Variants in PNLDC1 observed in about 807,000 individuals in gnomAD.
PNLDC1 encodes poly(A)-specific ribonuclease PNLDC1.
A neutral mutation model predicts 82.0 loss-of-function variants in PNLDC1; 70 were observed. The ratio of observed to expected loss-of-function variants is 0.85; its 90% CI spans 0.70 to 1.04. The LOEUF is 1.04. Ranked by LOEUF, PNLDC1 falls within the 50% of genes least tolerant of loss-of-function variation. The probability of loss-of-function intolerance (pLI) is 0.00; values close to 1 mark genes in which losing one functional copy is unlikely to be tolerated. For missense variants in PNLDC1, 631 were observed against 661.1 expected, an observed-to-expected ratio of 0.95 and a Z score of 0.50; for synonymous variants, 280 against 249.3, an observed-to-expected ratio of 1.12 and a Z score of -1.16.
upstream of PNLDC1, chr6:159,800,243 A>AAGCGCGTGGGC: frequency 2.1e-6 from 3 of 1,455,986 alleles, no homozygotes; most frequent in Non-Finnish European, 2.8e-6. Flanking sequence ...GGCGCGACGG[A>AAGCGCGTGGGC]AGCGCGTGGG....
At chr6:159,802,537 A>T (rs763686115) in intron 3 of PNLDC1, among the ~76,000 whole-genome samples, 11 of 151,990 alleles carry the variant, frequency 7.2e-5, no homozygotes, top group Non-Finnish European at 1.6e-4. Flanking sequence ...CTCTTTGAGA[A>T]GTATAGGAAA....
In PNLDC1 at chr6:159,819,148, C is replaced by G. The variant is rs769667908; in HGVS notation, c.1433+27C>G. The G allele has an allele frequency of 1.2e-6, 2 of 1,611,832 alleles. No homozygotes were observed. Among genetic ancestry groups the G allele is most frequent in the Non-Finnish European group, 8.5e-7 (1 of 1,178,424 alleles). On this transcript the variant is annotated intron_variant, in intron 17 of 18. Transcript: ENST00000392167. The surrounding 1 kb of genome is among the most constrained non-coding windows in gnomAD (Gnocchi z 4.6). ...TAGGTGCCTCTAAGTCCGCGTCCCC[C>G]ACCCCTCGTGCGTTCATCCCTGTAT... is the stretch of plus-strand genomic sequence containing the variant.
Position 159,810,101 on chromosome 6 carries a change from G to A in PNLDC1, c.853+6G>A. The A allele has an allele frequency of 1.9e-6, 3 of 1,611,940 alleles. No homozygotes were observed. Among genetic ancestry groups the A allele is most frequent in the Non-Finnish European group, 2.5e-6 (3 of 1,178,040 alleles). ...GTTCTTCAGACCCCTCCCAGGTAGG[G>A]GCAAACCTGTCATTTCTCTTCCTTC... On this transcript the variant is annotated splice_donor_region_variant and intron_variant, in intron 10 of 18. Coordinates refer to ENST00000392167, the MANE Select transcript of PNLDC1 (RefSeq NM_001271862.2).
chr6:159,818,943 T>C lies in PNLDC1; in HGVS notation c.1258-3T>C, dbSNP rs1781939028. 26 of 1,613,596 alleles carry C rather than the reference T, an allele frequency of 1.6e-5. No individual in the cohort carries two copies. The highest frequency in any genetic ancestry group is 2.1e-5 in the Non-Finnish European group (25 of 1,179,758). The stretch of plus-strand genomic sequence containing the variant: ...AATCTCTTGTGTTCTGCATGTTTTC[T>C]AGAATTTTTCTGGTCCAGATTATCC... On this transcript the variant is annotated splice_region_variant and splice_polypyrimidine_tract_variant and intron_variant, in intron 16 of 18. Coordinates refer to ENST00000392167, the MANE Select transcript of PNLDC1 (RefSeq NM_001271862.2).
intron 11 of PNLDC1, among the ~76,000 whole-genome samples, chr6:159,813,275 C>T (rs567705109): frequency 6.6e-6 from 1 of 152,312 alleles, no homozygotes; most frequent in Admixed American, 6.5e-5. Context: ...TGCCTGTATG[C>T]TCCATGTATG....
intron 12 of PNLDC1, among the ~76,000 whole-genome samples, chr6:159,815,271 C>T (rs1474051773): frequency 6.6e-6 from 1 of 152,198 alleles, no homozygotes; most frequent in South Asian, 2.1e-4. Context: ...AGCCTTGTGG[C>T]CTGCCCTCTT....
At chr6:159,802,610 T>G (rs917917372) in intron 3 of PNLDC1, among the ~76,000 whole-genome samples, 1 of 152,168 alleles carries the variant, frequency 6.6e-6, no homozygotes, top group Non-Finnish European at 1.5e-5. Flanking sequence ...GGACAGAGTC[T>G]TGCTCTGTTG....
Position 159,819,279 on chromosome 6 carries a change from C to T in PNLDC1, c.1459C>T (p.Arg487Trp), listed in dbSNP as rs764324481. ...KDARNILKEY[R>W]DHPTLCISLY... ...TGCGCGGAACATCCTGAAGGAGTAC[C>T]GGGACCACCCGACCCTGTGCATCTC... The change falls in exon 18 of 19, where the codon CGG becomes TGG. Residue 487 changes from arginine (R) to tryptophan (W), a missense_variant. By Grantham distance (101) the Arg-to-Trp change is moderately radical (BLOSUM62 -3). Transcript: ENST00000392167. This position sits in a 1 kb window ranked among gnomAD's most constrained non-coding sequence, Gnocchi z 4.6. 25 of 1,613,942 alleles carry T rather than the reference C, an allele frequency of 1.5e-5. No homozygotes were observed. The highest frequency in any genetic ancestry group is 8.9e-5 in the East Asian group (4 of 44,870).
At chr6:159,812,259 A>G (rs1432868415) in intron 11 of PNLDC1, among the ~76,000 whole-genome samples, 4 of 152,090 alleles carry the variant, frequency 2.6e-5, no homozygotes, top group South Asian at 2.1e-4. Context: ...AACCAGTATC[A>G]GTTTCCTTTT....
chr6:159,815,920 G>A, intron 12 of PNLDC1, 49 bp from the exon 13 acceptor site: 1 of 1,430,312 alleles, frequency 7.0e-7, no homozygotes, highest in Non-Finnish European at 9.8e-7. Flanking sequence ...ATACAAGAAG[G>A]GATTACTTTC....
Position 159,819,402 on chromosome 6 carries a change from C to A in PNLDC1, c.1532+50C>A. On this transcript the variant is annotated intron_variant, in intron 18 of 18. Transcript: ENST00000392167. This position sits in a 1 kb window ranked among gnomAD's most constrained non-coding sequence, Gnocchi z 4.6. ...GCCTGTCCTGGGGTCCTGGAGTGCC[C>A]GGGGTCCCAGCATCCCAGCATGGTC... The A allele has an allele frequency of 1.3e-6, 2 of 1,530,098 alleles. No individual in the cohort carries two copies. Among genetic ancestry groups the A allele is most frequent in the South Asian group, 1.1e-5 (1 of 87,602 alleles). The allele number at this position is 1,530,098 out of a possible 1,614,324, so 94.8% of individuals were successfully genotyped here.
chr6:159,808,177 G>C (rs1781516233), intron 7 of PNLDC1, among the ~76,000 whole-genome samples: 1 of 152,154 alleles, frequency 6.6e-6, no homozygotes, highest in African/African-American at 2.4e-5. Flanking sequence ...GCCTCCAAAA[G>C]TGCTGGGATT....
At chr6:159,810,122 C>T in intron 10 of PNLDC1, 27 bp downstream of exon 10, 1 of 1,595,162 alleles carries the variant, frequency 6.3e-7, no homozygotes, top group East Asian at 2.2e-5. Context: ...CATTTCTCTT[C>T]CTTCACGCTA....
Position 159,819,375 on chromosome 6 carries a change from C to A in PNLDC1, c.1532+23C>A. 1.2e-6 allele frequency: 2 copies of A among 1,606,472 alleles called. No homozygotes were observed. The highest frequency in any genetic ancestry group is 1.7e-6 in the Non-Finnish European group (2 of 1,175,800). On this transcript the variant is annotated intron_variant, in intron 18 of 18. Transcript: ENST00000392167. This position sits in a 1 kb window ranked among gnomAD's most constrained non-coding sequence, Gnocchi z 4.6. ...CCAGTAAGTGACAGGCTGAGGCCAC[C>A]TGCCTGTCCTGGGGTCCTGGAGTGC...
chr6:159,801,647 T>C (rs1781261019), intron 3 of PNLDC1, among the ~76,000 whole-genome samples: 1 of 152,252 alleles, frequency 6.6e-6, no homozygotes, highest in Admixed American at 6.5e-5. Context: ...GTTTTCGTCA[T>C]GTTGGCCAGG....
At chr6:159,812,264 C>T (rs978137240) in intron 11 of PNLDC1, among the ~76,000 whole-genome samples, 1 of 152,118 alleles carries the variant, frequency 6.6e-6, no homozygotes, top group African/African-American at 2.4e-5. Context: ...GTATCAGTTT[C>T]CTTTTGTATT....
rs564049781 is a variant in PNLDC1 at position 159,819,515 on chromosome 6, C to T, written c.1532+163C>T. ...TGCCCTGAATGTCCTTCAGTGATGCCGCGTGTCTGTCGAGCACCTGCTGTG... is the reference window on the plus strand; with the variant it reads ...TGCCCTGAATGTCCTTCAGTGATGCTGCGTGTCTGTCGAGCACCTGCTGTG... On this transcript the variant is annotated intron_variant, in intron 18 of 18. Coordinates refer to ENST00000392167, the MANE Select transcript of PNLDC1 (RefSeq NM_001271862.2). This position sits in a 1 kb window ranked among gnomAD's most constrained non-coding sequence, Gnocchi z 4.6. Among the ~76,000 whole-genome samples, 8 of 152,270 alleles carry T rather than the reference C, an allele frequency of 5.3e-5. No homozygotes were observed. In the South Asian group the frequency reaches 6.2e-4, roughly 12 times the overall value.
rs767278199 is a variant in PNLDC1 at position 159,804,094 on chromosome 6, G to T, written c.372+6G>T. The T allele has an allele frequency of 1.9e-6, 3 of 1,612,168 alleles. No individual in the cohort carries two copies. In the South Asian group the frequency reaches 3.3e-5, roughly 18 times the overall value. On this transcript the variant is annotated splice_donor_region_variant and intron_variant, in intron 5 of 18. Transcript: ENST00000392167. Reference sequence around the variant, plus strand: ...ATGGCTTCAACTATAACAAGGTATGGCATTGGAGGAGGGGAACGGGAATGT... The same window carrying T: ...ATGGCTTCAACTATAACAAGGTATGTCATTGGAGGAGGGGAACGGGAATGT...
Position 159,816,020 on chromosome 6 carries a change from G to A in PNLDC1, c.1047G>A (p.Arg349=). The A allele has an allele frequency of 5.6e-6, 9 of 1,611,838 alleles. No homozygotes were observed. The highest frequency in any genetic ancestry group is 7.6e-6 in the Non-Finnish European group (9 of 1,179,054). ...GACCAGAGATTGTTCACGCGAGCAG[G>A]TGTGAGAAATATGGTACGTTCCCAT... ...NSGPEIVHAS[R]CEKYVETKCP... Residue 349 remains arginine, a synonymous_variant, in exon 13 of 19, where the codon AGG becomes AGA. Transcript: ENST00000392167.
Sources: allele counts gnomAD v4.1 joint callset (sites outside exome capture counted in the v4.1 genomes callset), GRCh38; gene constraint gnomAD v4.1.1; non-coding constraint Gnocchi (gnomAD v3.1); transcripts MANE v1.5; gene names NCBI Gene and HGNC (gene_info 2026-07-23, HGNC 2026-07-21).